Variants in FXN observed in about 807,000 individuals in gnomAD.
FXN encodes frataxin, also known as frataxin, mitochondrial.
A neutral mutation model predicts 22.4 loss-of-function variants in FXN; 14 were observed. That is an observed-to-expected ratio of 0.62 (90% CI 0.41 to 0.98). FXN has a LOEUF of 0.98. FXN is among the 50% of genes least tolerant of loss of function. The pLI, the probability that FXN is intolerant of heterozygous loss-of-function variation, is 0.00. For missense variants in FXN, 267 were observed against 268.4 expected (o/e 0.99, Z 0.04); for synonymous variants, 120 against 114.1 (o/e 1.05, Z -0.33).
intron 3 of FXN, among the ~76,000 whole-genome samples, chr9:69,061,761 G>A (rs1023653026): frequency 6.7e-5 from 10 of 150,212 alleles, no homozygotes; most frequent in African/African-American, 2.5e-4. Flanking sequence ...CCACCTATGA[G>A]TGAGAATATG....
At chr9:69,064,897 G>T in intron 3 of FXN, 41 bp from the exon 4 acceptor site, 1 of 1,296,072 alleles carries the variant, frequency 7.7e-7, no homozygotes. Flanking sequence ...ACTTTTTCTT[G>T]TTTTAATTTC....
chr9:69,072,072 A>G (rs1832286252), intron 4 of FXN, among the ~76,000 whole-genome samples: 1 of 152,168 alleles, frequency 6.6e-6, no homozygotes, highest in African/African-American at 2.4e-5. Flanking sequence ...CCCCTTCCCT[A>G]TGGATACCAA....
chr9:69,036,963 C>CATA (rs1424000209), intron 1 of FXN, among the ~76,000 whole-genome samples: 1 of 152,058 alleles, frequency 6.6e-6, no homozygotes, highest in Non-Finnish European at 1.5e-5. Context: ...TGGTACGCCG[C>CATA]ATGTATTAGG....
At chr9:69,053,333 C>A (rs759986147) in intron 3 of FXN, 73 bp downstream of exon 3, 4 of 1,524,494 alleles carry the variant, frequency 2.6e-6, no homozygotes, top group Admixed American at 3.4e-5. Flanking sequence ...AAGAATTTCC[C>A]TCCAGCAGAG....
intron 1 of FXN, 143 bp downstream of exon 1, chr9:69,036,090 C>G: frequency 1.5e-6 from 1 of 670,248 alleles, no homozygotes; most frequent in Non-Finnish European, 2.0e-6. Flanking sequence ...TCAGGGCGGC[C>G]CGGCGGAAGC....
rs961230443 is a variant in FXN, at chr9:69,078,875, C to G, written c.*6113C>G. The G allele has an allele frequency of 2.6e-5, 26 of 985,558 alleles. No individual in the cohort carries two copies. The highest frequency in any genetic ancestry group is 7.0e-5 in the African/African-American group (4 of 57,224). The allele number at this position is 985,558 out of a possible 1,614,324, so 61.1% of individuals were successfully genotyped here. The stretch of plus-strand genomic sequence containing the variant: ...TCCTCAGCATACCATGTTTGTCTTT[C>G]CCAGCACTGACCTACCATGTGTCAC... On this transcript the variant is annotated 3_prime_UTR_variant, in exon 5 of 5. Coordinates refer to ENST00000484259, the MANE Select transcript of FXN (RefSeq NM_000144.5).
intron 3 of FXN, among the ~76,000 whole-genome samples, chr9:69,057,360 G>A (rs1168605460): frequency 6.6e-6 from 1 of 152,140 alleles, no homozygotes; most frequent in Non-Finnish European, 1.5e-5. Context: ...CCTGATTCCT[G>A]CCCTGAGATT....
chr9:69,064,031 C>T (rs977800788), intron 3 of FXN, among the ~76,000 whole-genome samples: 4 of 152,154 alleles, frequency 2.6e-5, no homozygotes, highest in Non-Finnish European at 4.4e-5. Context: ...CATTCAGAGC[C>T]TCTCGATTGG....
At chr9:69,057,231 A>G (rs1471508486) in intron 3 of FXN, among the ~76,000 whole-genome samples, 1 of 152,194 alleles carries the variant, frequency 6.6e-6, no homozygotes, top group African/African-American at 2.4e-5. Context: ...CCCTTGGCCA[A>G]AAGATAGTTT....
chr9:69,053,985 G>T (rs898844572), intron 3 of FXN, among the ~76,000 whole-genome samples: 1 of 152,128 alleles, frequency 6.6e-6, no homozygotes, highest in Non-Finnish European at 1.5e-5. Context: ...CTCCACAGAT[G>T]ATTCCAATAT....
rs1483223721 is a variant in FXN, at chr9:69,074,256, A to G, written c.*1494A>G. ...ACCCTTACTGGGTTAATCGTATTAT[A>G]CCACATTACCTCATTTTAATTTTTA... On this transcript the variant is annotated 3_prime_UTR_variant, in exon 5 of 5. Coordinates refer to ENST00000484259, the MANE Select transcript of FXN (RefSeq NM_000144.5). 2.1e-5 allele frequency: 21 copies of G among 981,774 alleles called. No homozygotes were observed. In the South Asian group the frequency reaches 7.5e-4, roughly 35 times the overall value. 60.8% of individuals were successfully genotyped at this position (981,774 alleles called of 1,614,324 possible).
At position 69,055,499 on chromosome 9, in the gene FXN, T is replaced by C. The variant is rs957386414; in HGVS notation, c.384+2239T>C. 3.3e-5 allele frequency among the ~76,000 whole-genome samples: 5 copies of C among 150,422 alleles called. No homozygotes were observed. In the East Asian group the frequency reaches 5.8e-4, roughly 17 times the overall value. On this transcript the variant is annotated intron_variant, in intron 3 of 4. Coordinates refer to ENST00000484259, the MANE Select transcript of FXN (RefSeq NM_000144.5). ...GTTTGGTTTACTTCTTCTTCTTCTT[T>C]TTTTTTTTTTTTGAGTTGAAGCCTA... is the stretch of plus-strand genomic sequence containing the variant.
Position 69,076,489 on chromosome 9 carries a change from C to G in FXN, c.*3727C>G. ...ACCATTTATCGTGTGCCTTACCATG[C>G]TTATATTTTACTTGATCTTTTGCAT... On this transcript the variant is annotated 3_prime_UTR_variant, in exon 5 of 5. Transcript: ENST00000484259. The G allele has an allele frequency of 2.0e-6, 2 of 985,338 alleles. No individual in the cohort carries two copies. The highest frequency in any genetic ancestry group is 2.4e-6 in the Non-Finnish European group (2 of 829,870). The allele number at this position is 985,338 out of a possible 1,614,324, so 61.0% of individuals were successfully genotyped here. A position where few individuals can be genotyped will look rare whatever the true frequency, so the allele number is the denominator to read the frequency against.
Position 69,053,190 on chromosome 9 carries a change from C to G in FXN, c.314C>G (p.Ser105Cys). 1 of 1,613,990 alleles carries G rather than the reference C, an allele frequency of 6.2e-7. No homozygotes were observed. The highest frequency in any genetic ancestry group is 1.1e-5 in the South Asian group (1 of 91,082). Residue 105 changes from serine (S) to cysteine (C), a missense_variant, in exon 3 of 5, where the codon TCT becomes TGT. Ser to Cys is a moderately radical substitution (Grantham distance 112). Transcript: ENST00000484259. Reference protein sequence around the residue: ...YERLAEETLDSLAEFFEDLAD... With the variant: ...YERLAEETLDCLAEFFEDLAD... The stretch of plus-strand genomic sequence containing the variant: ...AGACTAGCAGAGGAAACGCTGGACT[C>G]TTTAGCAGAGTTTTTTGAAGACCTT...
intron 3 of FXN, among the ~76,000 whole-genome samples, chr9:69,054,656 G>A (rs1831922328): frequency 6.6e-6 from 1 of 152,036 alleles, no homozygotes; most frequent in South Asian, 2.1e-4. Flanking sequence ...ATAGGCACAC[G>A]CCCCCACACC....
chr9:69,069,348 G>T (rs1832230613), intron 4 of FXN, among the ~76,000 whole-genome samples: 1 of 152,142 alleles, frequency 6.6e-6, no homozygotes, highest in African/African-American at 2.4e-5. Context: ...CTGGGCGACA[G>T]AGTGAGACTG....
intron 4 of FXN, among the ~76,000 whole-genome samples, chr9:69,067,611 AAAC>A (rs201044395): frequency 2.6e-5 from 4 of 152,128 alleles, no homozygotes; most frequent in Non-Finnish European, 5.9e-5. Flanking sequence ...CAAAGCCTCA[AAAC>A]AACAACAACA....
intron 3 of FXN, among the ~76,000 whole-genome samples, chr9:69,061,358 A>G (rs917719309): frequency 1.3e-5 from 2 of 152,106 alleles, no homozygotes. Context: ...GGCGCCGCTC[A>G]TCAGTGATGA....
intron 3 of FXN, 62 bp downstream of exon 3, chr9:69,053,322 G>A: frequency 6.4e-7 from 1 of 1,559,060 alleles, no homozygotes; most frequent in Non-Finnish European, 8.8e-7. Context: ...TCACTAAAAT[G>A]AAGAATTTCC....
Sources: gnomAD v4.1 joint callset for allele counts (sites outside exome capture counted in the v4.1 genomes callset) on GRCh38, gnomAD v4.1.1 for gene constraint, MANE v1.5 for transcripts, NCBI Gene and HGNC (gene_info 2026-07-23, HGNC 2026-07-21) for gene names.